The following ZNF385D variants were observed in gnomAD, a reference collection of about 807,000 sequenced individuals.
ZNF385D encodes the protein zinc finger protein 659.
Under a neutral mutation model 35.8 loss-of-function variants are expected in ZNF385D, and 15 were observed. That is an observed-to-expected ratio of 0.42 (90% CI 0.28 to 0.64). The LOEUF (loss-of-function observed/expected upper bound fraction) is 0.64, where lower values mean the gene tolerates loss of function less well. Ranked by LOEUF, ZNF385D falls within the 30% of genes least tolerant of loss-of-function variation. The pLI is 0.23. For synonymous variants in ZNF385D, 212 were observed against 186.8 expected, an observed-to-expected ratio of 1.13 and a Z score of -1.10; for missense variants, 474 against 494.6, an observed-to-expected ratio of 0.96 and a Z score of 0.39.
chr3:22,038,081 G>A (rs978328626), intron 3 of ZNF385D, among the ~76,000 whole-genome samples: 6 of 152,140 alleles, frequency 3.9e-5, no homozygotes, highest in Non-Finnish European at 5.9e-5. Context: ...ATTAATTCAA[G>A]ATGGATTAAA....
chr3:21,691,886 T>C (rs533730942), intron 1 of ZNF385D, among the ~76,000 whole-genome samples: 1 of 152,286 alleles, frequency 6.6e-6, no homozygotes, highest in East Asian at 1.9e-4. Flanking sequence ...TAACTCTCCA[T>C]TATTCCCTCC....
chr3:22,239,915 G>T (rs1037515460), intron 2 of ZNF385D, among the ~76,000 whole-genome samples: 2 of 150,338 alleles, frequency 1.3e-5, no homozygotes, highest in South Asian at 4.4e-4. Context: ...GGTTGCCCAC[G>T]CCTATAATCA....
At chr3:22,313,096 G>T (rs1427923665) in intron 2 of ZNF385D, among the ~76,000 whole-genome samples, 2 of 152,036 alleles carry the variant, frequency 1.3e-5, no homozygotes, top group Non-Finnish European at 2.9e-5. Context: ...CATGTCCTTT[G>T]TAGGGACATG....
At chr3:21,798,116 T>C (rs964415937) in intron 3 of ZNF385D, among the ~76,000 whole-genome samples, 1 of 152,208 alleles carries the variant, frequency 6.6e-6, no homozygotes, top group Non-Finnish European at 1.5e-5. Context: ...GGGAAGACTA[T>C]GCGTTAGTTG....
intron 3 of ZNF385D, among the ~76,000 whole-genome samples, chr3:21,986,660 G>C (rs1011135210): frequency 6.9e-6 from 1 of 143,898 alleles, no homozygotes; most frequent in Non-Finnish European, 1.5e-5. Flanking sequence ...TTGGGGTGGA[G>C]AGTTCTGTAG....
intron 2 of ZNF385D, among the ~76,000 whole-genome samples, chr3:22,362,867 T>C (rs1393656048): frequency 6.6e-6 from 1 of 152,094 alleles, no homozygotes; most frequent in African/African-American, 2.4e-5. Flanking sequence ...AGAATTTAAT[T>C]ATTTGTTTCA....
At chr3:21,752,968 T>C (rs974758679), upstream of ZNF385D, among the ~76,000 whole-genome samples, 8 of 152,084 alleles carry the variant, frequency 5.3e-5, no homozygotes, top group East Asian at 1.4e-3. Context: ...GGCACTGTAG[T>C]TTAATGTTAG....
At chr3:22,361,888 C>T (rs1328435711) in intron 2 of ZNF385D, among the ~76,000 whole-genome samples, 1 of 151,860 alleles carries the variant, frequency 6.6e-6, no homozygotes, top group East Asian at 1.9e-4. Flanking sequence ...CCAACAGTAA[C>T]TTTTGTGTTC....
At chr3:21,741,605 T>C (rs1228493105) in intron 1 of ZNF385D, among the ~76,000 whole-genome samples, 2 of 147,074 alleles carry the variant, frequency 1.4e-5, no homozygotes, top group South Asian at 2.2e-4. Flanking sequence ...AATAATTCTA[T>C]ACAGGAAGGG....
chr3:21,608,529 A>G (rs1238880849), intron 2 of ZNF385D, among the ~76,000 whole-genome samples: 3 of 152,192 alleles, frequency 2.0e-5, no homozygotes, highest in African/African-American at 4.8e-5. Flanking sequence ...TTCTGCTTCT[A>G]CTTCCTCTGC....
chr3:21,999,193 G>A (rs1408945394), intron 3 of ZNF385D, among the ~76,000 whole-genome samples: 2 of 152,018 alleles, frequency 1.3e-5, no homozygotes, highest in African/African-American at 4.8e-5. Context: ...AAAAGCTAAG[G>A]GCATTACACT....
chr3:22,029,843 G>C (rs888944209), intron 3 of ZNF385D, among the ~76,000 whole-genome samples: 4 of 151,698 alleles, frequency 2.6e-5, no homozygotes, highest in African/African-American at 9.7e-5. Context: ...AGATGTGTAT[G>C]GGTTCAAGTT....
upstream of ZNF385D, among the ~76,000 whole-genome samples, chr3:21,754,423 T>G (rs2070246315): frequency 1.3e-5 from 2 of 152,166 alleles, no homozygotes; most frequent in African/African-American, 4.8e-5. Context: ...ACCAACCTGC[T>G]TGCCAGATAA....
chr3:21,444,390 T>G (rs2071853988), intron 4 of ZNF385D, among the ~76,000 whole-genome samples: 1 of 69,248 alleles, frequency 1.4e-5, no homozygotes, highest in Admixed American at 1.5e-4. Flanking sequence ...TTTTTTTGTT[T>G]TTTTTTTTTT....
chr3:21,780,247 A>G (rs375157566), intron 3 of ZNF385D, among the ~76,000 whole-genome samples: 41 of 152,106 alleles, frequency 2.7e-4, no homozygotes, highest in African/African-American at 9.2e-4. Context: ...TAACAATCCT[A>G]TGAGACGAGT....
At position 22,353,643 on chromosome 3, in the gene ZNF385D, G is replaced by A. The variant is rs79424161; in HGVS notation, c.106+18807C>T. On this transcript the variant is annotated intron_variant, in intron 2 of 5. Coordinates refer to the ZNF385D transcript ENST00000494108. ...TTCAAAATTTTAGATCTTGTCTCATGATCACTCTTTTCAAAACTACTTTTG... is the reference window on the plus strand; with the variant it reads ...TTCAAAATTTTAGATCTTGTCTCATAATCACTCTTTTCAAAACTACTTTTG... Among the ~76,000 whole-genome samples the A allele has an allele frequency of 3.7e-3, 569 of 152,154 alleles. 2 individuals are homozygous for A. Among genetic ancestry groups the A allele is most frequent in the African/African-American group, 0.013 (526 of 41,498 alleles).
chr3:21,868,195 G>A (rs961937160), intron 3 of ZNF385D, among the ~76,000 whole-genome samples: 7 of 152,072 alleles, frequency 4.6e-5, no homozygotes, highest in Non-Finnish European at 1.0e-4. Flanking sequence ...TGCAGTCTCT[G>A]TTGCAATTTT....
chr3:21,659,733 G>C (rs929580703), intron 2 of ZNF385D, among the ~76,000 whole-genome samples: 13 of 152,188 alleles, frequency 8.5e-5, no homozygotes, highest in Middle Eastern at 3.4e-3. Context: ...TGAATCCTCA[G>C]GGCCTAACAC....
intron 2 of ZNF385D, among the ~76,000 whole-genome samples, chr3:22,329,076 CAA>C (rs776193960): frequency 2.7e-5 from 2 of 74,898 alleles, no homozygotes. Context: ...GACTCCGTCT[CAA>C]AAAAAAAAAA....
Sources: allele counts gnomAD v4.1 joint callset (sites outside exome capture counted in the v4.1 genomes callset), GRCh38; gene constraint gnomAD v4.1.1; transcripts MANE v1.5; gene names NCBI Gene and HGNC (gene_info 2026-07-23, HGNC 2026-07-21).